NOL8: variants seen among roughly 807,000 people sequenced by gnomAD.
NOL8 encodes the protein nucleolar protein Nop132.
A neutral mutation model predicts 116.1 loss-of-function variants in NOL8; 93 were observed. The observed-to-expected ratio is 0.80, with a 90% CI of 0.68 to 0.95. The LOEUF is 0.95. NOL8 is among the 40% of genes least tolerant of loss of function. NOL8 has a pLI of 0.00. For synonymous variants in NOL8, 419 were observed against 469.0 expected, an observed-to-expected ratio of 0.89 and a Z score of 1.38; for missense variants, 1,291 against 1,382.8, an observed-to-expected ratio of 0.93 and a Z score of 1.05.
At chr9:92,310,805 G>T in intron 8 of NOL8, 130 bp from the exon 9 acceptor site, 1 of 987,062 alleles carries the variant, frequency 1.0e-6, no homozygotes, top group Non-Finnish European at 1.5e-6. Context: ...TAAATGGCAG[G>T]TCAGGTGGAA....
At chr9:92,318,094 C>CAGA (rs1839593702) in intron 6 of NOL8, among the ~76,000 whole-genome samples, 1 of 148,774 alleles carries the variant, frequency 6.7e-6, no homozygotes, top group Admixed American at 6.7e-5. Flanking sequence ...ACACACTGCT[C>CAGA]AGAATTCCAT....
At position 92,314,906 on chromosome 9, in the gene NOL8, G is replaced by A. The variant is rs1839226028; in HGVS notation, c.1719C>T (p.Phe573=). Residue 573 remains phenylalanine, a synonymous_variant, in exon 7 of 17, where the codon TTC becomes TTT. Coordinates refer to ENST00000442668, the MANE Select transcript of NOL8 (RefSeq NM_017948.6). ...TTTCATATAGACAGCCTACTCCCTTGAAAGCCTGAAATTTTGGCTTTAAAT... is the reference window on the plus strand; with the variant it reads ...TTTCATATAGACAGCCTACTCCCTTAAAAGCCTGAAATTTTGGCTTTAAAT... ...ENNLKPKFQA[F]KGVGCLYEKE... is the part of the protein sequence containing the mutation. The A allele has an allele frequency of 1.9e-6, 3 of 1,613,666 alleles. No individual in the cohort carries two copies.
Position 92,310,218 on chromosome 9 carries a change from C to T in NOL8, c.2639G>A (p.Arg880His), listed in dbSNP as rs138111378. 633 of 1,610,154 alleles carry T rather than the reference C, an allele frequency of 3.9e-4. 5 individuals carry two copies. In the African/African-American group the frequency reaches 6.9e-3, roughly 18 times the overall value. Residue 880 changes from arginine to histidine, a missense_variant, in exon 10 of 17, where the codon CGC (arginine) becomes CAC (histidine). Transcript: ENST00000442668. ...QSHFGTDDRF[R>H]MDSRFLETDS... is the part of the protein sequence containing the mutation. Reference sequence around the variant, plus strand: ...AGTTTCTAGAAATCGAGAGTCCATGCGGAATCTGTCATCGGTGCCAAAGTG... The same window carrying T: ...AGTTTCTAGAAATCGAGAGTCCATGTGGAATCTGTCATCGGTGCCAAAGTG...
intron 7 of NOL8, among the ~76,000 whole-genome samples, chr9:92,312,583 T>C (rs1192634267): frequency 6.6e-6 from 1 of 150,834 alleles, no homozygotes; most frequent in Non-Finnish European, 1.5e-5. Flanking sequence ...TCCCAACACT[T>C]TGGGAGGCCA....
rs748237586 is a variant in NOL8 at position 92,310,685 on chromosome 9, AAC to A, written c.2473-12_2473-11del. The A allele has an allele frequency of 1.9e-6, 3 of 1,592,918 alleles. No homozygotes were observed. Among genetic ancestry groups the A allele is most frequent in the African/African-American group, 1.4e-5 (1 of 73,672 alleles). ...TTTTACCCATAGACTCCTGTGAAGA[AAC>A]ACAACATTTATTAATAGCAGAGGCA... On this transcript the variant is annotated splice_polypyrimidine_tract_variant and intron_variant, in intron 8 of 16. Coordinates refer to ENST00000442668, the MANE Select transcript of NOL8 (RefSeq NM_017948.6).
intron 10 of NOL8, among the ~76,000 whole-genome samples, chr9:92,308,526 T>C (rs1838485636): frequency 6.6e-6 from 1 of 152,202 alleles, no homozygotes; most frequent in Non-Finnish European, 1.5e-5. Flanking sequence ...AACAGGCGTT[T>C]AAGACCAGTT....
chr9:92,312,953 C>T (rs1838977586), intron 7 of NOL8, among the ~76,000 whole-genome samples: 1 of 151,404 alleles, frequency 6.6e-6, no homozygotes, highest in African/African-American at 2.4e-5. Context: ...AACAAACCTG[C>T]ACATATACCC....
chr9:92,313,973 AC>A (rs1344501822), intron 7 of NOL8, among the ~76,000 whole-genome samples: 1 of 152,266 alleles, frequency 6.6e-6, no homozygotes, highest in African/African-American at 2.4e-5. Context: ...AAAGCCCATT[AC>A]AGTAAATCTT....
intron 10 of NOL8, 102 bp downstream of exon 10, chr9:92,310,068 TG>T: frequency 1.3e-6 from 1 of 762,090 alleles, no homozygotes; most frequent in Non-Finnish European, 2.2e-6. Context: ...TCCAATGTCT[TG>T]GGATGGAGAG....
At position 92,301,692 on chromosome 9, in the gene NOL8, C is replaced by T; in HGVS notation, c.3034G>A (p.Glu1012Lys). ...QTTKYTSEKE[E>K]GTPWNEDCGK... Reference sequence around the variant, plus strand: ...CAGTCCTCATTCCAGGGTGTGCCCTCTTCCTTTTCACTGGTATATTTTGTA... The same window carrying T: ...CAGTCCTCATTCCAGGGTGTGCCCTTTTCCTTTTCACTGGTATATTTTGTA... Residue 1012 changes from glutamate to lysine, a missense_variant, in exon 13 of 17, where the codon GAG becomes AAG. Glu to Lys is a moderately conservative substitution (Grantham distance 56). Coordinates refer to ENST00000442668, the MANE Select transcript of NOL8 (RefSeq NM_017948.6). 4.4e-6 allele frequency: 7 copies of T among 1,607,746 alleles called. No individual in the cohort carries two copies. In the South Asian group the frequency reaches 7.8e-5, roughly 18 times the overall value.
intron 11 of NOL8, 91 bp from the exon 12 acceptor site, chr9:92,305,921 G>T: frequency 3.7e-6 from 3 of 807,996 alleles, no homozygotes; most frequent in Non-Finnish European, 6.2e-6. Flanking sequence ...GCACTAGGAA[G>T]ATTCTAATTT....
At chr9:92,300,522 C>G in intron 13 of NOL8, 1 of 990,582 alleles carries the variant, frequency 1.0e-6, no homozygotes, top group Non-Finnish European at 1.2e-6. Flanking sequence ...TTCAAAATTT[C>G]CCAAGTACTT....
chr9:92,316,782 C>A (rs1450388930), intron 6 of NOL8, among the ~76,000 whole-genome samples: 1 of 151,880 alleles, frequency 6.6e-6, no homozygotes, highest in Non-Finnish European at 1.5e-5. Flanking sequence ...ATGGTGAGAA[C>A]CTGTCTTAAA....
intron 5 of NOL8, 147 bp downstream of exon 5, chr9:92,319,074 T>G (rs1839684136): frequency 1.2e-6 from 1 of 812,164 alleles, no homozygotes; most frequent in Non-Finnish European, 1.8e-6. Context: ...AAATGCACCT[T>G]GAAAATCATA....
Position 92,314,403 on chromosome 9 carries a change from G to A in NOL8, c.2222C>T (p.Ser741Phe). 6.2e-7 allele frequency: 1 copy of A among 1,613,600 alleles called. No homozygotes were observed. Among genetic ancestry groups the A allele is most frequent in the South Asian group, 1.1e-5 (1 of 91,068 alleles). Residue 741 changes from serine to phenylalanine, a missense_variant, in exon 7 of 17, where the codon TCT becomes TTT. Transcript: ENST00000442668. ...TREIKTDFSL[S>F]ISNSSDVSAK... is the part of the protein sequence containing the mutation. ...ACTCACATCTGACGAATTACTAATA[G>A]AAAGTGAGAAATCAGTTTTGATTTC...
At position 92,314,398 on chromosome 9, in the gene NOL8, T is replaced by G; in HGVS notation, c.2227A>C (p.Ser743Arg). Residue 743 changes from serine (S) to arginine (R), a missense_variant, in exon 7 of 17, where the codon AGT becomes CGT. Transcript: ENST00000442668. ...EIKTDFSLSI[S>R]NSSDVSAKDK... ...TTAGCACTCACATCTGACGAATTAC[T>G]AATAGAAAGTGAGAAATCAGTTTTG... The G allele has an allele frequency of 6.2e-7, 1 of 1,613,598 alleles. No individual in the cohort carries two copies. Among genetic ancestry groups the G allele is most frequent in the Non-Finnish European group, 8.5e-7 (1 of 1,179,554 alleles).
chr9:92,307,087 C>A, intron 10 of NOL8, 63 bp from the exon 11 acceptor site: 1 of 1,505,738 alleles, frequency 6.6e-7, no homozygotes, highest in South Asian at 1.2e-5. Context: ...TCTCAATCAT[C>A]AAATATTTAC....
chr9:92,316,480 C>T (rs1286905282), intron 6 of NOL8, among the ~76,000 whole-genome samples: 4 of 152,196 alleles, frequency 2.6e-5, no homozygotes, highest in Non-Finnish European at 5.9e-5. Context: ...CGAACTGATA[C>T]AGTAAAGCAA....
chr9:92,307,072 A>C (rs758156824), intron 10 of NOL8, 48 bp from the exon 11 acceptor site: 7 of 1,561,388 alleles, frequency 4.5e-6, no homozygotes, highest in Non-Finnish European at 6.1e-6. Flanking sequence ...ACACAGCCTG[A>C]GAAGTCTCAA....
Sources: gnomAD v4.1 joint callset for allele counts (sites outside exome capture counted in the v4.1 genomes callset) on GRCh38, gnomAD v4.1.1 for gene constraint, MANE v1.5 for transcripts, NCBI Gene and HGNC (gene_info 2026-07-23, HGNC 2026-07-21) for gene names.